The following SNTG1 variants were observed in gnomAD, a reference collection of about 807,000 sequenced individuals.
SNTG1 encodes gamma-1-syntrophin.
A neutral mutation model predicts 74.7 loss-of-function variants in SNTG1; 39 were observed. The ratio of observed to expected loss-of-function variants is 0.52; its 90% CI spans 0.40 to 0.68. The LOEUF is 0.68. Ranked by LOEUF, SNTG1 falls within the 30% of genes least tolerant of loss-of-function variation. The pLI, the probability that SNTG1 is intolerant of heterozygous loss-of-function variation, is 0.00. For missense variants in SNTG1, 685 were observed against 609.5 expected (o/e 1.12, Z -1.30); for synonymous variants, 254 against 217.1 (o/e 1.17, Z -1.49).
At chr8:50,274,813 C>T (rs1013423775) in intron 2 of SNTG1, among the ~76,000 whole-genome samples, 1 of 152,074 alleles carries the variant, frequency 6.6e-6, no homozygotes, top group Non-Finnish European at 1.5e-5. Flanking sequence ...TATGATCATA[C>T]GATTTTATCT....
intron 2 of SNTG1, among the ~76,000 whole-genome samples, chr8:50,313,442 G>A (rs1166058164): frequency 6.7e-6 from 1 of 149,562 alleles, no homozygotes; most frequent in Non-Finnish European, 1.5e-5. Context: ...TTCAAAATAT[G>A]GCAGGAATTC....
chr8:50,541,390 A>G (rs1001765172), intron 11 of SNTG1, among the ~76,000 whole-genome samples: 2 of 152,090 alleles, frequency 1.3e-5, no homozygotes, highest in African/African-American at 4.8e-5. Flanking sequence ...TAGTCCTTCC[A>G]TAACTACACC....
At chr8:50,707,790 AATGCAAATAAAACTGGCTT>A (rs1243861134) in intron 16 of SNTG1, 2 of 309,760 alleles carry the variant, frequency 6.5e-6, no homozygotes, top group Non-Finnish European at 1.2e-5. Context: ...TTTAAAATTA[AATGCAAATAAAACTGGCTT>A]ATAGATGTAA....
In SNTG1 at chr8:50,008,373, G is replaced by T. The variant is rs137920873; in HGVS notation, c.-103+96142G>T. On this transcript the variant is annotated intron_variant, in intron 1 of 18. Transcript: ENST00000642720. The stretch of plus-strand genomic sequence containing the variant: ...TAATATGTACACATTTCTTAGTGCA[G>T]TGTCTGGATAAGCACCTGATTATTG... Among the ~76,000 whole-genome samples the T allele has an allele frequency of 3.4e-3, 517 of 152,316 alleles. 4 individuals carry two copies. Among genetic ancestry groups the T allele is most frequent in the African/African-American group, 0.012 (499 of 41,576 alleles).
intron 17 of SNTG1, among the ~76,000 whole-genome samples, chr8:50,723,516 T>C (rs1481098533): frequency 2.0e-5 from 3 of 152,124 alleles, no homozygotes; most frequent in Non-Finnish European, 4.4e-5. Context: ...TAAGCTCTCG[T>C]TTTAGTATAT....
At chr8:50,241,196 A>C (rs1377793205) in intron 2 of SNTG1, among the ~76,000 whole-genome samples, 1 of 152,198 alleles carries the variant, frequency 6.6e-6, no homozygotes, top group Non-Finnish European at 1.5e-5. Context: ...TTAATTTTAC[A>C]AAGTGTTTTG....
At chr8:50,306,936 A>G (rs1418690215) in intron 2 of SNTG1, among the ~76,000 whole-genome samples, 1 of 151,822 alleles carries the variant, frequency 6.6e-6, no homozygotes, top group African/African-American at 2.4e-5. Flanking sequence ...GAGGTTTTAA[A>G]ATTATATCTG....
chr8:50,175,710 T>C (rs1169635069), intron 2 of SNTG1, among the ~76,000 whole-genome samples: 2 of 152,194 alleles, frequency 1.3e-5, no homozygotes, highest in African/African-American at 4.8e-5. Flanking sequence ...AAGGCAGTTG[T>C]AAGGAAAATA....
chr8:50,104,554 C>G (rs2080289999), intron 1 of SNTG1, among the ~76,000 whole-genome samples: 1 of 152,002 alleles, frequency 6.6e-6, no homozygotes, highest in Non-Finnish European at 1.5e-5. Context: ...TTTTGTGTCT[C>G]TATTTCCTTC....
intron 2 of SNTG1, among the ~76,000 whole-genome samples, chr8:50,235,823 A>G (rs996864449): frequency 1.3e-5 from 2 of 152,100 alleles, no homozygotes; most frequent in Non-Finnish European, 2.9e-5. Flanking sequence ...CGGTTTTCTT[A>G]TTTTCCTCCA....
chr8:50,379,072 C>T (rs747325338), intron 2 of SNTG1, among the ~76,000 whole-genome samples: 22 of 152,140 alleles, frequency 1.4e-4, no homozygotes. Context: ...TACCAAGGGG[C>T]ACCTGCAGGC....
chr8:50,345,684 G>A (rs1319574046), intron 2 of SNTG1, among the ~76,000 whole-genome samples: 1 of 152,160 alleles, frequency 6.6e-6, no homozygotes, highest in East Asian at 1.9e-4. Flanking sequence ...AATAAGCAAT[G>A]ACTATAGACG....
intron 5 of SNTG1, among the ~76,000 whole-genome samples, chr8:50,439,030 T>C (rs577268214): frequency 3.7e-4 from 57 of 152,254 alleles, no homozygotes; most frequent in Non-Finnish European, 8.1e-4. Context: ...AAAAAAGAAA[T>C]CAGTAAATTT....
chr8:50,088,976 G>A (rs1586217496), intron 1 of SNTG1, among the ~76,000 whole-genome samples: 1 of 151,648 alleles, frequency 6.6e-6, no homozygotes, highest in Non-Finnish European at 1.5e-5. Flanking sequence ...GAACAAAGCT[G>A]GAGGCATCAC....
At chr8:50,578,640 C>T (rs554046667) in intron 12 of SNTG1, among the ~76,000 whole-genome samples, 2 of 152,150 alleles carry the variant, frequency 1.3e-5, no homozygotes, top group Non-Finnish European at 2.9e-5. Context: ...TACCCTCATG[C>T]TGTTCTCATT....
intron 4 of SNTG1, among the ~76,000 whole-genome samples, chr8:50,407,139 C>A (rs74555386): frequency 1.8e-4 from 27 of 152,234 alleles, no homozygotes; most frequent in African/African-American, 6.5e-4. Flanking sequence ...ACAGGGATCA[C>A]CTCTCTTATC....
At chr8:50,222,859 C>T (rs4873138) in intron 2 of SNTG1, among the ~76,000 whole-genome samples, 1 of 152,050 alleles carries the variant, frequency 6.6e-6, no homozygotes, top group Non-Finnish European at 1.5e-5. Flanking sequence ...ACATATAACA[C>T]CATCTGAGGC....
intron 2 of SNTG1, among the ~76,000 whole-genome samples, chr8:50,279,929 C>T (rs1237364085): frequency 6.6e-6 from 1 of 152,188 alleles, no homozygotes; most frequent in Non-Finnish European, 1.5e-5. Flanking sequence ...TCCTTCTCTT[C>T]CTGGAGCAGA....
chr8:50,371,373 C>T (rs2092265186), intron 2 of SNTG1, among the ~76,000 whole-genome samples: 1 of 152,096 alleles, frequency 6.6e-6, no homozygotes, highest in South Asian at 2.1e-4. Flanking sequence ...AACTAGTGGC[C>T]CAAATTCCCA....
Sources: gnomAD v4.1 joint callset for allele counts (sites outside exome capture counted in the v4.1 genomes callset) on GRCh38, gnomAD v4.1.1 for gene constraint, MANE v1.5 for transcripts, NCBI Gene and HGNC (gene_info 2026-07-23, HGNC 2026-07-21) for gene names.